ADCY2: variants seen among roughly 807,000 people sequenced by gnomAD.
ADCY2 encodes the protein adenylate cyclase 2, also known as adenylate cyclase type 2.
ADCY2 carries 31 observed loss-of-function variants against 125.2 expected under a neutral mutation model. The observed-to-expected ratio is 0.25, with a 90% CI of 0.19 to 0.33. The LOEUF is 0.33. Ranked by LOEUF, ADCY2 falls within the 10% of genes least tolerant of loss-of-function variation. The pLI is 1.00. For synonymous variants in ADCY2, 512 were observed against 548.4 expected (o/e 0.93, Z 0.93); for missense variants, 904 against 1,418.2 (o/e 0.64, Z 5.82).
rs200920022 is a variant in ADCY2 at position 7,773,089 on chromosome 5, T to A, written c.2372T>A (p.Val791Asp). 995 of 1,613,952 alleles carry A rather than the reference T, an allele frequency of 6.2e-4. 6 individuals carry two copies. The East Asian group carries it at 8.0e-3, about 13-fold the overall frequency. ...CACGTCCTGGGCGACTACAGCCAGG[T>A]CTTATTTGAGAGGTGAGCCACGGCC... ...HAHVLGDYSQ[V>D]LFERPGIWKD... The change falls in exon 18 of 25, where the codon GTC becomes GAC. Residue 791 changes from valine to aspartate, a missense_variant. Transcript: ENST00000338316.
chr5:7,425,702 A>T (rs1161061886), intron 2 of ADCY2, among the ~76,000 whole-genome samples: 10 of 152,286 alleles, frequency 6.6e-5, no homozygotes, highest in Admixed American at 6.5e-4. Context: ...GGAGTGAAGT[A>T]CACACCTGCA....
At chr5:7,403,397 A>G (rs971148339) in intron 1 of ADCY2, among the ~76,000 whole-genome samples, 1 of 152,190 alleles carries the variant, frequency 6.6e-6, no homozygotes, top group African/African-American at 2.4e-5. Context: ...CTTTCCCATC[A>G]TTGACTTGCA....
At chr5:7,475,825 T>C (rs1469866648) in intron 2 of ADCY2, among the ~76,000 whole-genome samples, 3 of 152,040 alleles carry the variant, frequency 2.0e-5, no homozygotes, top group African/African-American at 4.8e-5. Flanking sequence ...CGGGACTGAG[T>C]TCGAGGGAGA....
In ADCY2 at chr5:7,589,505, AG is replaced by A. The variant is rs1323899256; in HGVS notation, c.571-36661del. 5.8e-3 allele frequency among the ~76,000 whole-genome samples: 387 copies of A among 67,014 alleles called. 3 individuals are homozygous for A. The highest frequency in any genetic ancestry group is 0.011 in the Admixed American group (47 of 4,414). 44.0% of individuals were successfully genotyped at this position (67,014 alleles called of 152,430 possible). A position where few individuals can be genotyped will look rare whatever the true frequency, so the allele number is the denominator to read the frequency against. ...AAGAAAGAAAGAAAGAAAGAAAGAA[AG>A]AAAGAAAAGAAAAGAAAGAGAAAGA... On this transcript the variant is annotated intron_variant, in intron 3 of 24. Transcript: ENST00000338316.
At chr5:7,499,176 T>G (rs1743454779) in intron 2 of ADCY2, among the ~76,000 whole-genome samples, 1 of 152,040 alleles carries the variant, frequency 6.6e-6, no homozygotes. Context: ...GCCAGCTAAT[T>G]TTTGCATTTT....
chr5:7,482,502 T>A (rs1215253997), intron 2 of ADCY2, among the ~76,000 whole-genome samples: 1 of 152,142 alleles, frequency 6.6e-6, no homozygotes, highest in African/African-American at 2.4e-5. Flanking sequence ...CAAACTCTTA[T>A]GTACTGTTGG....
chr5:7,702,972 T>C (rs1233186820), intron 7 of ADCY2, among the ~76,000 whole-genome samples: 2 of 152,284 alleles, frequency 1.3e-5, no homozygotes, highest in Non-Finnish European at 2.9e-5. Context: ...ATTTCTCTGA[T>C]GGCCAGTGAT....
intron 4 of ADCY2, among the ~76,000 whole-genome samples, chr5:7,689,862 G>T (rs1184065362): frequency 6.6e-6 from 1 of 152,056 alleles, no homozygotes; most frequent in African/African-American, 2.4e-5. Flanking sequence ...TTCTAAAATG[G>T]ATTAACATTA....
At chr5:7,523,199 C>T (rs1329744487) in intron 3 of ADCY2, among the ~76,000 whole-genome samples, 3 of 147,948 alleles carry the variant, frequency 2.0e-5, no homozygotes, top group Non-Finnish European at 4.5e-5. Context: ...AGGGTTAAAA[C>T]AAAAAAGGGA....
chr5:7,573,652 T>A (rs940448168), intron 3 of ADCY2, among the ~76,000 whole-genome samples: 1 of 141,458 alleles, frequency 7.1e-6, no homozygotes, highest in East Asian at 2.0e-4. Flanking sequence ...TTGAGCAGAG[T>A]GACAGTACAA....
intron 10 of ADCY2, among the ~76,000 whole-genome samples, chr5:7,711,388 A>G (rs1561181735): frequency 6.6e-6 from 1 of 152,158 alleles, no homozygotes. Flanking sequence ...GTGTCTGATA[A>G]CTCCATTTCC....
intron 4 of ADCY2, among the ~76,000 whole-genome samples, chr5:7,684,899 C>T (rs774982061): frequency 6.6e-6 from 1 of 152,044 alleles, no homozygotes; most frequent in Non-Finnish European, 1.5e-5. Context: ...AAAGGGTCAC[C>T]TGATTTGCTG....
At chr5:7,704,739 G>T (rs181735443) in intron 7 of ADCY2, among the ~76,000 whole-genome samples, 51 of 152,160 alleles carry the variant, frequency 3.4e-4, no homozygotes, top group Middle Eastern at 3.4e-3. Context: ...TTAGCTGGGC[G>T]GTTTGGCGTG....
chr5:7,640,307 AC>A (rs1332941864), intron 4 of ADCY2, among the ~76,000 whole-genome samples: 1 of 152,182 alleles, frequency 6.6e-6, no homozygotes, highest in African/African-American at 2.4e-5. Flanking sequence ...ACCAGATTCT[AC>A]CCTTTAAAGA....
intron 3 of ADCY2, among the ~76,000 whole-genome samples, chr5:7,612,832 C>T (rs990015503): frequency 8.6e-5 from 13 of 152,040 alleles, no homozygotes; most frequent in African/African-American, 1.9e-4. Flanking sequence ...ATGGCTAACA[C>T]GGTGAAACCC....
intron 2 of ADCY2, among the ~76,000 whole-genome samples, chr5:7,425,066 T>G (rs1740338932): frequency 6.6e-6 from 1 of 152,130 alleles, no homozygotes; most frequent in African/African-American, 2.4e-5. Context: ...GTGACCTCCC[T>G]TGAAGCCTGC....
intron 3 of ADCY2, 23 bp from the exon 4 acceptor site, chr5:7,626,144 A>G (rs1738114113): frequency 1.9e-6 from 3 of 1,606,056 alleles, no homozygotes; most frequent in Non-Finnish European, 2.5e-6. Flanking sequence ...TACCCTATTG[A>G]GCAGCTCTTT....
intron 3 of ADCY2, among the ~76,000 whole-genome samples, chr5:7,531,404 C>T (rs954772963): frequency 1.3e-5 from 2 of 152,164 alleles, no homozygotes; most frequent in South Asian, 2.1e-4. Flanking sequence ...TGAATCTCTT[C>T]GACCACCCCC....
At chr5:7,426,772 AG>A (rs1225962047) in intron 2 of ADCY2, among the ~76,000 whole-genome samples, 1 of 152,156 alleles carries the variant, frequency 6.6e-6, no homozygotes, top group East Asian at 1.9e-4. Context: ...TAGAGCTGCC[AG>A]CACTGGCTTC....
Sources: gnomAD v4.1 joint callset for allele counts (sites outside exome capture counted in the v4.1 genomes callset) on GRCh38, gnomAD v4.1.1 for gene constraint, MANE v1.5 for transcripts, NCBI Gene and HGNC (gene_info 2026-07-23, HGNC 2026-07-21) for gene names.